ZNF277: variants seen among roughly 807,000 people sequenced by gnomAD.
ZNF277 encodes the protein nuclear receptor-interacting factor 4.
In ZNF277, 55 loss-of-function variants were observed where a neutral mutation model predicts 60.7. That is an observed-to-expected ratio of 0.91 (90% confidence interval 0.73 to 1.13). The LOEUF (loss-of-function observed/expected upper bound fraction) is 1.13, where lower values mean the gene tolerates loss of function less well. Among genes scored for constraint, ZNF277 ranks in the 50% most tolerant of loss-of-function variants. The probability of loss-of-function intolerance (pLI) is 0.00; values close to 1 mark genes in which losing one functional copy is unlikely to be tolerated. For synonymous variants in ZNF277, 178 were observed against 179.3 expected (o/e 0.99, Z 0.06); for missense variants, 510 against 523.0 (o/e 0.98, Z 0.24).
At chr7:112,335,217 T>C (rs754861331) in intron 7 of ZNF277, among the ~76,000 whole-genome samples, 3 of 152,206 alleles carry the variant, frequency 2.0e-5, no homozygotes, top group Non-Finnish European at 4.4e-5. Context: ...TCCATGCTTG[T>C]AGCAGGTCAG....
chr7:112,256,425 T>G (rs1489239339), intron 1 of ZNF277, among the ~76,000 whole-genome samples: 2 of 141,696 alleles, frequency 1.4e-5, no homozygotes, highest in Non-Finnish European at 3.1e-5. Context: ...TTTGGAGTTT[T>G]TTTTTTTTTT....
intron 7 of ZNF277, among the ~76,000 whole-genome samples, chr7:112,332,158 A>T (rs1163869310): frequency 1.3e-5 from 2 of 152,250 alleles, no homozygotes; most frequent in Non-Finnish European, 2.9e-5. Context: ...AAAAGAAAGT[A>T]AGGGCTTTAA....
At chr7:112,249,795 T>C (rs1365145201) in intron 1 of ZNF277, among the ~76,000 whole-genome samples, 2 of 152,200 alleles carry the variant, frequency 1.3e-5, no homozygotes, top group Non-Finnish European at 2.9e-5. Flanking sequence ...ACTTCCCCAG[T>C]CAATACCCTT....
chr7:112,285,402 A>G (rs1198453728), intron 1 of ZNF277, among the ~76,000 whole-genome samples: 1 of 149,776 alleles, frequency 6.7e-6, no homozygotes, highest in East Asian at 2.0e-4. Context: ...TGCCTTTAAA[A>G]AGAAGATAAA....
chr7:112,308,342 C>T, intron 4 of ZNF277, among the ~76,000 whole-genome samples: 1 of 151,810 alleles, frequency 6.6e-6, no homozygotes, highest in East Asian at 1.9e-4. Context: ...TAGCGAAACC[C>T]CTTCTCTACT....
chr7:112,279,763 G>C (rs990429777), intron 1 of ZNF277, among the ~76,000 whole-genome samples: 10 of 151,978 alleles, frequency 6.6e-5, no homozygotes, highest in African/African-American at 2.4e-4. Flanking sequence ...TATAAAATAA[G>C]CTAGAAAAAA....
At chr7:112,241,433 T>C (rs1317287687) in intron 1 of ZNF277, among the ~76,000 whole-genome samples, 1 of 152,122 alleles carries the variant, frequency 6.6e-6, no homozygotes, top group Non-Finnish European at 1.5e-5. Context: ...GCAACCACTA[T>C]GGAAAACAGT....
At position 112,296,258 on chromosome 7, in the gene ZNF277, G is replaced by GA; in HGVS notation, c.413dup (p.Asp138GlufsTer7). 1 of 1,589,204 alleles carries GA rather than the reference G, an allele frequency of 6.3e-7. No individual in the cohort carries two copies. The highest frequency in any genetic ancestry group is 8.6e-7 in the Non-Finnish European group (1 of 1,169,558). ...ACAAGAGAATTATTTTTTGTTATGTGACGTTTTACCAGAAGATAGAATTCT... is the reference window on the plus strand; with the variant it reads ...ACAAGAGAATTATTTTTTGTTATGTGAACGTTTTACCAGAAGATAGAATTCT... On this transcript the variant is annotated frameshift_variant, in exon 4 of 12. Transcript: ENST00000361822. LOFTEE classifies it high-confidence loss of function.
intron 1 of ZNF277, among the ~76,000 whole-genome samples, chr7:112,259,463 A>G (rs531437774): frequency 2.6e-5 from 4 of 152,304 alleles, no homozygotes; most frequent in African/African-American, 9.6e-5. Context: ...CCTAAGCCGC[A>G]GATACTTCCC....
chr7:112,260,179 T>A (rs1165090035), intron 1 of ZNF277, among the ~76,000 whole-genome samples: 1 of 152,014 alleles, frequency 6.6e-6, no homozygotes, highest in East Asian at 1.9e-4. Context: ...GATGGGAGAA[T>A]CTCCTGAGCC....
At chr7:112,232,157 T>C (rs1822357680) in intron 1 of ZNF277, among the ~76,000 whole-genome samples, 1 of 151,336 alleles carries the variant, frequency 6.6e-6, no homozygotes, top group Non-Finnish European at 1.5e-5. Flanking sequence ...CAGATGATTT[T>C]AAAAGTAGAT....
chr7:112,208,559 G>A (rs1821640979), intron 1 of ZNF277, among the ~76,000 whole-genome samples: 1 of 147,488 alleles, frequency 6.8e-6, no homozygotes, highest in Admixed American at 6.7e-5. Flanking sequence ...AGTGATAAGA[G>A]TTTGGTACAT....
Position 112,322,723 on chromosome 7 carries a change from G to T in ZNF277, c.557+4450G>T, listed in dbSNP as rs1156231021. Among the ~76,000 whole-genome samples the T allele has an allele frequency of 2.0e-5, 3 of 152,022 alleles. No homozygotes were observed. In the East Asian group the frequency reaches 5.8e-4, roughly 29 times the overall value. ...GTGTGTCAACATCTGGACTTTCTCA[G>T]GGGTGATTTCTGTTTCTGCTTTCTT... is the stretch of plus-strand genomic sequence containing the variant. On this transcript the variant is annotated intron_variant, in intron 5 of 11. Coordinates refer to ENST00000361822, the MANE Select transcript of ZNF277 (RefSeq NM_021994.3).
intron 1 of ZNF277, among the ~76,000 whole-genome samples, chr7:112,224,390 C>T (rs966421090): frequency 2.6e-5 from 4 of 152,186 alleles, no homozygotes; most frequent in Non-Finnish European, 5.9e-5. Flanking sequence ...GTGTGGCCCA[C>T]GGGCCAGGGA....
intron 1 of ZNF277, among the ~76,000 whole-genome samples, chr7:112,261,154 A>T (rs993237933): frequency 1.3e-5 from 2 of 152,170 alleles, no homozygotes; most frequent in African/African-American, 4.8e-5. Flanking sequence ...ATAGATCTCT[A>T]TCATTCTCTG....
At chr7:112,241,370 G>GC (rs781428663) in intron 1 of ZNF277, among the ~76,000 whole-genome samples, 18 of 152,240 alleles carry the variant, frequency 1.2e-4, no homozygotes, top group Admixed American at 2.6e-4. Context: ...ACAAATCCTG[G>GC]CAAGGATGTG....
intron 4 of ZNF277, among the ~76,000 whole-genome samples, chr7:112,311,182 T>G (rs532003005): frequency 6.6e-6 from 1 of 152,288 alleles, no homozygotes; most frequent in African/African-American, 2.4e-5. Flanking sequence ...CTATGTTGAG[T>G]GCCATCTGCT....
intron 5 of ZNF277, 31 bp from the exon 6 acceptor site, chr7:112,327,686 A>C (rs1793130396): frequency 1.3e-6 from 2 of 1,549,190 alleles, no homozygotes; most frequent in East Asian, 4.5e-5. Context: ...ATGATTTGTG[A>C]ATAATCCTAA....
At chr7:112,221,406 C>A (rs914687585) in intron 1 of ZNF277, among the ~76,000 whole-genome samples, 4 of 152,092 alleles carry the variant, frequency 2.6e-5, no homozygotes, top group African/African-American at 9.7e-5. Context: ...GAGGAAGGAC[C>A]CCCGGTAACA....
Sources: allele counts gnomAD v4.1 joint callset (sites outside exome capture counted in the v4.1 genomes callset), GRCh38; gene constraint gnomAD v4.1.1; transcripts MANE v1.5; gene names NCBI Gene and HGNC (gene_info 2026-07-23, HGNC 2026-07-21).